EFNB2: variants seen among roughly 807,000 people sequenced by gnomAD.
EFNB2 encodes the protein ephrin-B2.
EFNB2 carries 5 observed loss-of-function variants against 32.1 expected under a neutral mutation model. That is an observed-to-expected ratio of 0.16 (90% CI 0.08 to 0.33). The LOEUF (loss-of-function observed/expected upper bound fraction) is 0.33, where lower values mean the gene tolerates loss of function less well. EFNB2 is among the 10% of genes least tolerant of loss of function. EFNB2 has a pLI of 1.00. For missense variants in EFNB2, 263 were observed against 422.6 expected (o/e 0.62, Z 3.31); for synonymous variants, 168 against 166.5 (o/e 1.01, Z -0.07).
At chr13:106,530,889 G>A (rs901012322) in intron 1 of EFNB2, among the ~76,000 whole-genome samples, 4 of 152,232 alleles carry the variant, frequency 2.6e-5, no homozygotes, top group Non-Finnish European at 4.4e-5. Flanking sequence ...ACCGAAGGAT[G>A]CACCTCAGTA....
intron 1 of EFNB2, among the ~76,000 whole-genome samples, chr13:106,531,497 G>A (rs1006016495): frequency 2.6e-5 from 4 of 152,080 alleles, no homozygotes; most frequent in Admixed American, 2.6e-4. Context: ...TAGTTCAAGG[G>A]GCTATTCAAT....
At chr13:106,498,892 C>G in intron 2 of EFNB2, among the ~76,000 whole-genome samples, 1 of 152,128 alleles carries the variant, frequency 6.6e-6, no homozygotes, top group East Asian at 1.9e-4. Context: ...CAACCTGTGA[C>G]TTGCAAAGGG....
intron 1 of EFNB2, among the ~76,000 whole-genome samples, chr13:106,513,400 A>G (rs1355003848): frequency 6.6e-6 from 1 of 152,216 alleles, no homozygotes; most frequent in African/African-American, 2.4e-5. Flanking sequence ...ATGTCTTACA[A>G]ATGCGTAAAA....
chr13:106,528,704 T>A (rs946134867), intron 1 of EFNB2, among the ~76,000 whole-genome samples: 1 of 152,230 alleles, frequency 6.6e-6, no homozygotes, highest in Non-Finnish European at 1.5e-5. Context: ...TCACTCTGCA[T>A]GGAACCCAAT....
At chr13:106,517,149 T>C (rs1382148593) in intron 1 of EFNB2, 3 of 152,178 alleles carry the variant, frequency 2.0e-5, no homozygotes, top group African/African-American at 4.8e-5. Flanking sequence ...TATGCTGACT[T>C]TGAAAGTGTT....
intron 2 of EFNB2, among the ~76,000 whole-genome samples, chr13:106,497,336 T>C (rs9520088): frequency 0.27 from 40,689 of 152,010 alleles, 5,808 homozygotes; most frequent in East Asian, 0.43. Context: ...TGGATAAATT[T>C]TTCCCGGGAA....
chr13:106,529,037 C>T (rs1385273862), intron 1 of EFNB2, among the ~76,000 whole-genome samples: 3 of 152,142 alleles, frequency 2.0e-5, no homozygotes, highest in African/African-American at 4.8e-5. Context: ...TTCCTCCCTC[C>T]CCTTTTAAAA....
intron 3 of EFNB2, among the ~76,000 whole-genome samples, chr13:106,495,317 C>A (rs540305259): frequency 6.6e-6 from 1 of 152,298 alleles, no homozygotes; most frequent in East Asian, 1.9e-4. Flanking sequence ...ATAATTATTT[C>A]TTTCTGCACA....
rs1170102164 is a variant in EFNB2, at chr13:106,490,242, G to GT, written c.*2797dup. On this transcript the variant is annotated 3_prime_UTR_variant, in exon 5 of 5. Transcript: ENST00000646441. ...TATTAAAAAGGTGAATAAGGCTACT[G>GT]TAACACCCCAAATCCATAGACAGTA... 2 of 152,320 alleles carry GT rather than the reference G, an allele frequency of 1.3e-5. No homozygotes were observed. Among genetic ancestry groups the GT allele is most frequent in the South Asian group, 4.1e-4 (2 of 4,824 alleles). The allele number at this position is 152,320 out of a possible 1,614,324, so 9.4% of individuals were successfully genotyped here.
At chr13:106,512,304 GT>G (rs57001546) in intron 2 of EFNB2, among the ~76,000 whole-genome samples, 1 of 140,348 alleles carries the variant, frequency 7.1e-6, no homozygotes, top group Non-Finnish European at 1.5e-5. Flanking sequence ...GAATTCTAGT[GT>G]TTTTTTTTCT....
chr13:106,499,626 G>A (rs1156941376), intron 2 of EFNB2, among the ~76,000 whole-genome samples: 2 of 152,048 alleles, frequency 1.3e-5, no homozygotes, highest in Non-Finnish European at 2.9e-5. Context: ...CTACATAAAT[G>A]AAATCACATT....
chr13:106,535,076 G>T lies in EFNB2; in HGVS notation c.-112C>A. 1 of 1,458,428 alleles carries T rather than the reference G, an allele frequency of 6.9e-7. No homozygotes were observed. The highest frequency in any genetic ancestry group is 9.1e-7 in the Non-Finnish European group (1 of 1,093,086). The allele number at this position is 1,458,428 out of a possible 1,614,324, so 90.3% of individuals were successfully genotyped here. On this transcript the variant is annotated 5_prime_UTR_variant, in exon 1 of 5. Coordinates refer to ENST00000646441, the MANE Select transcript of EFNB2 (RefSeq NM_004093.4). ...CTGGCGGGGAAGACGGCGTGCGCCC[G>T]CAGGCAGCTCCGAGGCGCGCTGCGC...
intron 1 of EFNB2, among the ~76,000 whole-genome samples, chr13:106,528,231 T>A (rs951621137): frequency 9.2e-5 from 14 of 152,138 alleles, no homozygotes; most frequent in Non-Finnish European, 2.1e-4. Context: ...CTATATGCAA[T>A]ACTTTAAAAA....
rs1878340374 is a variant in EFNB2 at position 106,489,887 on chromosome 13, TTAAAA to T, written c.*3148_*3152del. On this transcript the variant is annotated 3_prime_UTR_variant, in exon 5 of 5. Transcript: ENST00000646441. Reference sequence around the variant, plus strand: ...CAGATTTAAAACCTATGACAGGCTATTAAAATAAAACAAAGAAAGAAAAAAATATT... The same window carrying T: ...CAGATTTAAAACCTATGACAGGCTATTAAAACAAAGAAAGAAAAAAATATT... 2 of 152,676 alleles carry T rather than the reference TTAAAA, an allele frequency of 1.3e-5. No individual in the cohort carries two copies. Among genetic ancestry groups the T allele is most frequent in the Admixed American group, 6.5e-5 (1 of 15,298 alleles). The allele number at this position is 152,676 out of a possible 1,614,324, so 9.5% of individuals were successfully genotyped here. A position where few individuals can be genotyped will look rare whatever the true frequency, so the allele number is the denominator to read the frequency against.
rs1200080569 is a variant in EFNB2 at position 106,518,172 on chromosome 13, T to G, written c.123-5360A>C. On this transcript the variant is annotated intron_variant, in intron 1 of 4. Coordinates refer to ENST00000646441, the MANE Select transcript of EFNB2 (RefSeq NM_004093.4). This position sits in a 1 kb window ranked among gnomAD's most constrained non-coding sequence, Gnocchi z 4.1. The stretch of plus-strand genomic sequence containing the variant: ...GGCCAAGATGGTAAAACCCCGTCTC[T>G]ATTAAAAATACAACACTTAGCTGGG... The G allele has an allele frequency of 1.3e-5, 2 of 152,146 alleles. No homozygotes were observed. The highest frequency in any genetic ancestry group is 2.9e-5 in the Non-Finnish European group (2 of 68,032). 9.4% of individuals were successfully genotyped at this position (152,146 alleles called of 1,614,324 possible). A position where few individuals can be genotyped will look rare whatever the true frequency, so the allele number is the denominator to read the frequency against.
chr13:106,523,712 T>A (rs1005812346), intron 1 of EFNB2, among the ~76,000 whole-genome samples: 1 of 152,332 alleles, frequency 6.6e-6, no homozygotes, highest in Non-Finnish European at 1.5e-5. Context: ...AAAAGCCAGA[T>A]GGGCTGTACT....
At position 106,535,364 on chromosome 13, in the gene EFNB2, G is replaced by T; in HGVS notation, c.-400C>A. On this transcript the variant is annotated 5_prime_UTR_variant, in exon 1 of 5. Transcript: ENST00000646441. ...GCGCGGGCGGCGGGCGCTGCGCCCCGAGCGGGGCCGCCTGTGACTATAGAT... is the reference window on the plus strand; with the variant it reads ...GCGCGGGCGGCGGGCGCTGCGCCCCTAGCGGGGCCGCCTGTGACTATAGAT... The T allele has an allele frequency of 6.7e-6, 1 of 150,250 alleles. No individual in the cohort carries two copies. The highest frequency in any genetic ancestry group is 2.0e-4 in the South Asian group (1 of 5,026). 9.3% of individuals were successfully genotyped at this position (150,250 alleles called of 1,614,324 possible).
intron 2 of EFNB2, among the ~76,000 whole-genome samples, chr13:106,512,302 G>C (rs555380949): frequency 0.039 from 896 of 22,712 alleles, 10 homozygotes; most frequent in African/African-American, 0.13. Context: ...AAGAATTCTA[G>C]TGTTTTTTTT....
chr13:106,510,215 T>C (rs1879094365), intron 2 of EFNB2: 1 of 152,214 alleles, frequency 6.6e-6, no homozygotes, highest in Admixed American at 6.5e-5. Flanking sequence ...AAGAAAATAA[T>C]AGATGTCGTT....
Sources: gnomAD v4.1 joint callset for allele counts (sites outside exome capture counted in the v4.1 genomes callset) on GRCh38, gnomAD v4.1.1 for gene constraint, Gnocchi (gnomAD v3.1) non-coding constraint, MANE v1.5 for transcripts, NCBI Gene and HGNC (gene_info 2026-07-23, HGNC 2026-07-21) for gene names.